RASGRP1: variants seen among roughly 807,000 people sequenced by gnomAD.
RASGRP1 encodes the protein RAS guanyl releasing protein 1, also known as RAS guanyl-releasing protein 1.
A neutral mutation model predicts 95.1 loss-of-function variants in RASGRP1; 37 were observed. That is an observed-to-expected ratio of 0.39 (90% CI 0.30 to 0.51). The LOEUF is 0.51. Ranked by LOEUF, RASGRP1 falls within the 20% of genes least tolerant of loss-of-function variation. The pLI is 0.80. For synonymous variants in RASGRP1, 325 were observed against 353.4 expected, an observed-to-expected ratio of 0.92 and a Z score of 0.90; for missense variants, 711 against 965.4, an observed-to-expected ratio of 0.74 and a Z score of 3.49.
chr15:38,560,046 C>G, intron 1 of RASGRP1, 41 bp from the exon 2 acceptor site: 1 of 1,512,858 alleles, frequency 6.6e-7, no homozygotes, highest in Non-Finnish European at 9.1e-7. Context: ...AAACGGGCAG[C>G]TCCACGCTCT....
At chr15:38,554,880 C>G (rs143123750) in intron 2 of RASGRP1, among the ~76,000 whole-genome samples, 1 of 152,338 alleles carries the variant, frequency 6.6e-6, no homozygotes, top group East Asian at 1.9e-4. Flanking sequence ...GTGTTCTTCA[C>G]ACAGGGCCTG....
At chr15:38,520,809 T>G (rs964172824) in intron 3 of RASGRP1, among the ~76,000 whole-genome samples, 2 of 152,180 alleles carry the variant, frequency 1.3e-5, no homozygotes, top group Non-Finnish European at 2.9e-5. Context: ...TCAAAGTCCC[T>G]TAAAAATGCT....
intron 1 of RASGRP1, among the ~76,000 whole-genome samples, chr15:38,563,142 C>T (rs1463543698): frequency 2.0e-5 from 3 of 152,148 alleles, no homozygotes; most frequent in Admixed American, 2.0e-4. Flanking sequence ...TAACTGGTTG[C>T]CTTGTGAAAA....
intron 2 of RASGRP1, among the ~76,000 whole-genome samples, chr15:38,542,924 T>TATACACAC (rs1457537014): frequency 8.2e-5 from 12 of 145,474 alleles, no homozygotes; most frequent in African/African-American, 1.8e-4. Flanking sequence ...TATGTGTGTA[T>TATACACAC]ATATATGTGT....
At chr15:38,492,903 T>A in intron 16 of RASGRP1, among the ~76,000 whole-genome samples, 1 of 151,592 alleles carries the variant, frequency 6.6e-6, no homozygotes, top group South Asian at 2.1e-4. Flanking sequence ...TTTTTTGAGT[T>A]GGAGTCTCAC....
In RASGRP1 at chr15:38,507,681, G is replaced by A. The variant is rs745653906; in HGVS notation, c.1242+45C>T. 2.6e-6 allele frequency: 4 copies of A among 1,534,856 alleles called. No individual in the cohort carries two copies. In the South Asian group the frequency reaches 4.9e-5, roughly 19 times the overall value. On this transcript the variant is annotated intron_variant, in intron 9 of 16. Transcript: ENST00000310803. ...GGTAAGGGGTATAGAATGGCACCTG[G>A]CACACAGAAAGTGCTTAGTAATTGT...
intron 2 of RASGRP1, among the ~76,000 whole-genome samples, chr15:38,542,225 C>G (rs1368008883): frequency 1.3e-5 from 2 of 152,060 alleles, no homozygotes; most frequent in Non-Finnish European, 2.9e-5. Flanking sequence ...TAAAAAATAA[C>G]AACAAAAGCA....
intron 8 of RASGRP1, among the ~76,000 whole-genome samples, chr15:38,511,085 T>C (rs944537616): frequency 6.6e-5 from 10 of 152,200 alleles, no homozygotes; most frequent in African/African-American, 2.2e-4. Flanking sequence ...AATAAAACAT[T>C]ATGTATTACA....
intron 2 of RASGRP1, among the ~76,000 whole-genome samples, chr15:38,553,653 G>A (rs1893425199): frequency 6.6e-6 from 1 of 152,214 alleles, no homozygotes; most frequent in African/African-American, 2.4e-5. Flanking sequence ...GAATCAAACT[G>A]TAGTTGTAAC....
chr15:38,540,723 A>G lies in RASGRP1; in HGVS notation c.221-14319T>C, dbSNP rs115432089. Among the ~76,000 whole-genome samples the G allele has an allele frequency of 7.5e-3, 1,138 of 152,316 alleles. 16 individuals carry two copies. Among genetic ancestry groups the G allele is most frequent in the African/African-American group, 0.026 (1,067 of 41,560 alleles). On this transcript the variant is annotated intron_variant, in intron 2 of 16. Transcript: ENST00000310803. ...ACAATCAGATGAGTCTGAGATGCCC[A>G]GATATCTTTAAGGATCCTGAATTTT... is the stretch of plus-strand genomic sequence containing the variant.
intron 2 of RASGRP1, among the ~76,000 whole-genome samples, chr15:38,552,568 G>C (rs753118827): frequency 3.3e-5 from 5 of 152,178 alleles, no homozygotes; most frequent in Non-Finnish European, 7.3e-5. Flanking sequence ...AAAGATGCAT[G>C]CTAGCATACC....
At chr15:38,501,056 C>CA in intron 13 of RASGRP1, 87 bp downstream of exon 13, 1 of 1,419,684 alleles carries the variant, frequency 7.0e-7, no homozygotes, top group Non-Finnish European at 9.5e-7. Context: ...GGGATGGGTT[C>CA]ATAAGGATTG....
intron 2 of RASGRP1, among the ~76,000 whole-genome samples, chr15:38,542,193 T>G (rs1892892131): frequency 6.6e-6 from 1 of 152,082 alleles, no homozygotes; most frequent in Non-Finnish European, 1.5e-5. Context: ...AGGCCCTGTC[T>G]CAAACAAACA....
chr15:38,505,605 C>T (rs1891220287), intron 10 of RASGRP1, among the ~76,000 whole-genome samples: 1 of 145,358 alleles, frequency 6.9e-6, no homozygotes, highest in African/African-American at 2.4e-5. Flanking sequence ...ACTAGTTATT[C>T]ACTGGTCACA....
intron 2 of RASGRP1, among the ~76,000 whole-genome samples, chr15:38,536,769 ACTGTT>A (rs1336624550): frequency 6.6e-6 from 1 of 152,246 alleles, no homozygotes; most frequent in Non-Finnish European, 1.5e-5. Context: ...CACCACAGAA[ACTGTT>A]CTTTAATTGC....
rs866619067 is a variant in RASGRP1 at position 38,496,572 on chromosome 15, A to G, written c.1874-1805T>C. ...AGAGTGCATGAATGAAATACAGGGT[A>G]CAGGCCTATTTTTCACAATGGTGTT... On this transcript the variant is annotated intron_variant, in intron 15 of 16. Transcript: ENST00000310803. 3.3e-5 allele frequency among the ~76,000 whole-genome samples: 5 copies of G among 152,216 alleles called. No individual in the cohort carries two copies. In the South Asian group the frequency reaches 1.0e-3, roughly 32 times the overall value.
At chr15:38,545,260 C>G (rs777962380) in intron 2 of RASGRP1, among the ~76,000 whole-genome samples, 1 of 152,224 alleles carries the variant, frequency 6.6e-6, no homozygotes, top group Non-Finnish European at 1.5e-5. Context: ...TCTGCACTCT[C>G]TCTAGCCTTT....
intron 2 of RASGRP1, among the ~76,000 whole-genome samples, chr15:38,558,226 G>A (rs114295022): frequency 1.2e-4 from 18 of 152,264 alleles, no homozygotes; most frequent in African/African-American, 4.3e-4. Flanking sequence ...TGGAGTACAT[G>A]ATGAACAATG....
intron 2 of RASGRP1, among the ~76,000 whole-genome samples, chr15:38,526,644 A>G (rs947226852): frequency 6.6e-6 from 1 of 152,116 alleles, no homozygotes; most frequent in Non-Finnish European, 1.5e-5. Flanking sequence ...TAAAATCGGG[A>G]AAGGGATAAA....
Sources: gnomAD v4.1 joint callset for allele counts (sites outside exome capture counted in the v4.1 genomes callset) on GRCh38, gnomAD v4.1.1 for gene constraint, MANE v1.5 for transcripts, NCBI Gene and HGNC (gene_info 2026-07-23, HGNC 2026-07-21) for gene names.